VCF1: variants seen among roughly 807,000 people sequenced by gnomAD.
The protein encoded by VCF1 is protein VCF1.
chr17:73,226,531 C>T, the VCF1 span, among the ~76,000 whole-genome samples: 4 of 152,280 alleles, frequency 2.6e-5, no homozygotes, highest in East Asian at 5.8e-4. Flanking sequence ...AACTTAATAG[C>T]AGCATTACTT....
At chr17:73,208,224 G>T in the VCF1 span, 1 of 1,603,932 alleles carries the variant, frequency 6.2e-7, no homozygotes, top group Non-Finnish European at 8.5e-7. Context: ...TGTGTGTGCC[G>T]TGTGGACTCC....
the VCF1 span, among the ~76,000 whole-genome samples, chr17:73,226,192 C>T: frequency 5.9e-5 from 9 of 152,146 alleles, no homozygotes; most frequent in East Asian, 3.9e-4. Context: ...TGAGCCACTG[C>T]GCTCGGCCAG....
chr17:73,230,394 G>A, the VCF1 span, among the ~76,000 whole-genome samples: 6 of 130,748 alleles, frequency 4.6e-5, no homozygotes, highest in African/African-American at 1.4e-4. Flanking sequence ...CTGTGGGAGA[G>A]CCTGAAAACC....
chr17:73,227,239 C>T, the VCF1 span: 1 of 1,575,672 alleles, frequency 6.3e-7, no homozygotes, highest in Non-Finnish European at 8.6e-7. Context: ...TGGTTGTCTT[C>T]TTCGTTGCCA....
chr17:73,228,015 T>C, the VCF1 span, among the ~76,000 whole-genome samples: 1 of 152,244 alleles, frequency 6.6e-6, no homozygotes. Flanking sequence ...GGAACTGTAC[T>C]GTCCAATACG....
At chr17:73,208,166 C>T in the VCF1 span, 16 of 1,532,598 alleles carry the variant, frequency 1.0e-5, no homozygotes, top group African/African-American at 2.7e-5. Context: ...AAATCTGGAC[C>T]GACAGCAAAG....
At chr17:73,224,385 C>G in the VCF1 span, among the ~76,000 whole-genome samples, 1 of 151,528 alleles carries the variant, frequency 6.6e-6, no homozygotes, top group African/African-American at 2.4e-5. Flanking sequence ...GTAGAGGTTG[C>G]AGTGAGCTGA....
At chr17:73,230,834 G>C in the VCF1 span, among the ~76,000 whole-genome samples, 1 of 152,182 alleles carries the variant, frequency 6.6e-6, no homozygotes, top group Non-Finnish European at 1.5e-5. Context: ...CAAGATAAAA[G>C]GAATCTACTG....
the VCF1 span, chr17:73,212,675 C>A: frequency 6.3e-7 from 1 of 1,594,034 alleles, no homozygotes; most frequent in Non-Finnish European, 8.6e-7. Context: ...ATTAGAAACC[C>A]ACCGCGCAGA....
the VCF1 span, chr17:73,209,286 A>G: frequency 5.2e-6 from 3 of 581,482 alleles, no homozygotes; most frequent in South Asian, 2.1e-5. Flanking sequence ...CTACCTTGAC[A>G]TAGATTTGAT....
the VCF1 span, chr17:73,208,317 G>GC: frequency 6.2e-7 from 1 of 1,613,466 alleles, no homozygotes; most frequent in African/African-American, 1.3e-5. Flanking sequence ...ATGGCAGGTT[G>GC]TCCCCCCGGC....
At chr17:73,209,805 G>C in the VCF1 span, 3 of 1,536,230 alleles carry the variant, frequency 2.0e-6, no homozygotes, top group East Asian at 2.4e-5. Flanking sequence ...TCACAATAAG[G>C]CTGTTTTGTT....
chr17:73,212,038 T>TA, the VCF1 span, among the ~76,000 whole-genome samples: 2 of 151,876 alleles, frequency 1.3e-5, no homozygotes, highest in African/African-American at 4.8e-5. Context: ...TCAAAAAAAA[T>TA]AAAGACTGGA....
At chr17:73,219,245 T>C in the VCF1 span, among the ~76,000 whole-genome samples, 2 of 149,818 alleles carry the variant, frequency 1.3e-5, no homozygotes, top group African/African-American at 4.9e-5. Flanking sequence ...CTTAGTATGC[T>C]GTGAATTGAG....
the VCF1 span, among the ~76,000 whole-genome samples, chr17:73,213,323 T>G: frequency 1.3e-5 from 2 of 152,126 alleles, no homozygotes; most frequent in African/African-American, 4.8e-5. Context: ...AATAGAGAAT[T>G]GGTTTAATTA....
chr17:73,227,631 G>A, the VCF1 span: 1 of 988,406 alleles, frequency 1.0e-6, no homozygotes, highest in Non-Finnish European at 1.2e-6. Flanking sequence ...AGGATTCCGA[G>A]TTACCTAATT....
chr17:73,218,892 C>T, the VCF1 span, among the ~76,000 whole-genome samples: 3 of 152,036 alleles, frequency 2.0e-5, no homozygotes, highest in Admixed American at 6.6e-5. Flanking sequence ...TGGTGGCGTG[C>T]GCCTGTAGTC....
chr17:73,218,456 G>A, the VCF1 span, among the ~76,000 whole-genome samples: 7 of 147,468 alleles, frequency 4.7e-5, no homozygotes, highest in African/African-American at 1.7e-4. Flanking sequence ...CCTTCTGAAT[G>A]GAAATACTGT....
chr17:73,213,134 C>A, the VCF1 span, among the ~76,000 whole-genome samples: 1 of 151,802 alleles, frequency 6.6e-6, no homozygotes, highest in African/African-American at 2.4e-5. Flanking sequence ...GTCCCAGCTG[C>A]TTGGGAGGCT....
Sources: gnomAD v4.1 joint callset for allele counts (sites outside exome capture counted in the v4.1 genomes callset) on GRCh38, gnomAD v4.1.1 for gene constraint, MANE v1.5 for transcripts, NCBI Gene and HGNC (gene_info 2026-07-23, HGNC 2026-07-21) for gene names.